The following COL11A1 variants were observed in gnomAD, a reference collection of about 807,000 sequenced individuals.
COL11A1 encodes the protein collagen alpha-1(XI) chain.
In COL11A1, 74 loss-of-function variants were observed where a neutral mutation model predicts 265.2. The ratio of observed to expected loss-of-function variants is 0.28; its 90% CI spans 0.23 to 0.34. The LOEUF (loss-of-function observed/expected upper bound fraction) is 0.34, where lower values mean the gene tolerates loss of function less well. Ranked by LOEUF, COL11A1 falls within the 10% of genes least tolerant of loss-of-function variation. The probability of loss-of-function intolerance (pLI) is 1.00; values close to 1 mark genes in which losing one functional copy is unlikely to be tolerated. For synonymous variants in COL11A1, 816 were observed against 727.6 expected (o/e 1.12, Z -1.96); for missense variants, 2,165 against 2,263.6 (o/e 0.96, Z 0.88).
At chr1:103,062,513 C>T (rs1008597149) in intron 4 of COL11A1, among the ~76,000 whole-genome samples, 1 of 151,880 alleles carries the variant, frequency 6.6e-6, no homozygotes, top group African/African-American at 2.4e-5. Context: ...GTATGCCAGG[C>T]TGTTTCAATA....
At chr1:102,916,702 C>T (rs1399320198) in intron 49 of COL11A1, among the ~76,000 whole-genome samples, 2 of 152,030 alleles carry the variant, frequency 1.3e-5, no homozygotes, top group East Asian at 3.9e-4. Context: ...TCTTAAATTA[C>T]CCACTTAATG....
intron 2 of COL11A1, among the ~76,000 whole-genome samples, chr1:103,082,164 T>C (rs1370793235): frequency 6.6e-6 from 1 of 151,952 alleles, no homozygotes; most frequent in Admixed American, 6.6e-5. Flanking sequence ...GCAAGTACTT[T>C]TCAGTACCAT....
chr1:102,998,406 T>A, intron 24 of COL11A1, 43 bp from the exon 25 acceptor site: 1 of 1,413,750 alleles, frequency 7.1e-7, no homozygotes, highest in Non-Finnish European at 9.5e-7. Context: ...AAAATAATTT[T>A]AAAAAGCTTT....
intron 46 of COL11A1, among the ~76,000 whole-genome samples, chr1:102,925,157 T>G (rs1402564896): frequency 1.3e-5 from 2 of 152,144 alleles, no homozygotes; most frequent in Non-Finnish European, 2.9e-5. Context: ...TTGCTGAATA[T>G]TATTTGACTG....
intron 11 of COL11A1, 111 bp from the exon 12 acceptor site, chr1:103,015,853 C>T: frequency 1.3e-6 from 1 of 750,912 alleles, no homozygotes; most frequent in Non-Finnish European, 2.2e-6. Flanking sequence ...TTTGCCCTTT[C>T]CACCTTATTT....
chr1:102,981,501 A>G (rs1191650938), intron 31 of COL11A1, among the ~76,000 whole-genome samples: 1 of 152,088 alleles, frequency 6.6e-6, no homozygotes, highest in African/African-American at 2.4e-5. Flanking sequence ...TTTGTTTTTC[A>G]TAAATGTATA....
intron 3 of COL11A1, 125 bp from the exon 4 acceptor site, chr1:103,074,905 G>A: frequency 5.3e-6 from 6 of 1,135,446 alleles, no homozygotes; most frequent in Non-Finnish European, 7.7e-6. Flanking sequence ...AAAAATGTAG[G>A]CTCATTTATT....
rs780721477 is a variant in COL11A1 at position 103,012,399 on chromosome 1, T to G, written c.1629+14A>C. On this transcript the variant is annotated intron_variant, in intron 14 of 66. Coordinates refer to ENST00000370096, the MANE Select transcript of COL11A1 (RefSeq NM_001854.4). Reference sequence around the variant, plus strand: ...AAAATTTTAACATATATTATCTTTGTTGGGGTAACCTACCACAGGACCTGG... The same window carrying G: ...AAAATTTTAACATATATTATCTTTGGTGGGGTAACCTACCACAGGACCTGG... 6.2e-7 allele frequency: 1 copy of G among 1,609,288 alleles called. No homozygotes were observed. The highest frequency in any genetic ancestry group is 1.3e-5 in the African/African-American group (1 of 74,808).
At chr1:103,051,241 G>T (rs986819270) in intron 4 of COL11A1, among the ~76,000 whole-genome samples, 1 of 152,200 alleles carries the variant, frequency 6.6e-6, no homozygotes, top group Non-Finnish European at 1.5e-5. Flanking sequence ...GAGCTGTGGT[G>T]GTCTCCACCC....
chr1:102,899,066 A>G, intron 54 of COL11A1, 72 bp from the exon 55 acceptor site: 1 of 816,726 alleles, frequency 1.2e-6, no homozygotes, highest in Non-Finnish European at 1.8e-6. Context: ...TTGTTTACAA[A>G]CACTAAACTT....
chr1:102,937,039 T>C (rs998351735), intron 44 of COL11A1, among the ~76,000 whole-genome samples: 5 of 152,148 alleles, frequency 3.3e-5, no homozygotes, highest in Non-Finnish European at 7.4e-5. Context: ...AATGTAACAA[T>C]GGTACTCTTG....
At chr1:102,962,123 T>C in intron 40 of COL11A1, 53 bp downstream of exon 40, 4 of 1,435,420 alleles carry the variant, frequency 2.8e-6, no homozygotes, top group Non-Finnish European at 3.9e-6. Flanking sequence ...GAAAAAATGC[T>C]TCTAATAAAC....
At chr1:102,977,837 T>A (rs1459087707) in intron 35 of COL11A1, among the ~76,000 whole-genome samples, 1 of 152,086 alleles carries the variant, frequency 6.6e-6, no homozygotes, top group East Asian at 1.9e-4. Flanking sequence ...TAATTAAATG[T>A]TTATTCTTGT....
chr1:103,015,239 A>G (rs1042252980), intron 12 of COL11A1, among the ~76,000 whole-genome samples: 3 of 152,076 alleles, frequency 2.0e-5, no homozygotes, highest in Non-Finnish European at 4.4e-5. Context: ...CCAGGGCAAC[A>G]AAAACTTTAC....
intron 1 of COL11A1, among the ~76,000 whole-genome samples, chr1:103,103,999 G>T (rs938446261): frequency 6.6e-6 from 1 of 151,936 alleles, no homozygotes; most frequent in Non-Finnish European, 1.5e-5. Context: ...AATATTACAA[G>T]AATATTTTTT....
In COL11A1 at chr1:102,888,447, T is replaced by G. The variant is rs116183789; in HGVS notation, c.4608+130A>C. ...CATGTAGATTTGATTACTTAAATGA[T>G]ATAATGTTTCCTATAAAATCAGCAC... On this transcript the variant is annotated intron_variant, in intron 62 of 66. Transcript: ENST00000370096. 1.0e-3 allele frequency: 799 copies of G among 802,862 alleles called. 5 individuals are homozygous for G. The African/African-American group carries it at 0.012, about 12-fold the overall frequency. 49.7% of individuals were successfully genotyped at this position (802,862 alleles called of 1,614,324 possible). A position where few individuals can be genotyped will look rare whatever the true frequency, so the allele number is the denominator to read the frequency against.
intron 37 of COL11A1, among the ~76,000 whole-genome samples, chr1:102,968,129 C>G (rs1661623548): frequency 6.6e-6 from 1 of 152,208 alleles, no homozygotes; most frequent in South Asian, 2.1e-4. Context: ...CAGTTCACAA[C>G]AAGTTGTGCT....
chr1:103,012,442 T>C lies in COL11A1; in HGVS notation c.1600A>G (p.Met534Val), dbSNP rs1374892742. ...GGACCTGGTCTTCCAGTTAGACCCA[T>C]TGGGCCAGGTGGGCCTCTCAGAGCA... Reference protein sequence around the residue: ...RIALRGPPGPMGLTGRPGPVG... With the variant: ...RIALRGPPGPVGLTGRPGPVG... The change falls in exon 14 of 67, where the codon ATG (methionine) becomes GTG (valine). Residue 534 changes from methionine to valine, a missense_variant. Met to Val is a conservative substitution (Grantham distance 21, BLOSUM62 1). Coordinates refer to ENST00000370096, the MANE Select transcript of COL11A1 (RefSeq NM_001854.4). 12 of 1,613,540 alleles carry C rather than the reference T, an allele frequency of 7.4e-6. No homozygotes were observed. Among genetic ancestry groups the C allele is most frequent in the Non-Finnish European group, 9.3e-6 (11 of 1,179,570 alleles).
chr1:103,021,940 G>A (rs1170738951), intron 8 of COL11A1, among the ~76,000 whole-genome samples, 171 bp from the exon 9 acceptor site: 3 of 150,964 alleles, frequency 2.0e-5, no homozygotes, highest in Non-Finnish European at 1.5e-5. Context: ...CTCGCCTGCC[G>A]GGTTCACGCC....
Sources: allele counts gnomAD v4.1 joint callset (sites outside exome capture counted in the v4.1 genomes callset), GRCh38; gene constraint gnomAD v4.1.1; transcripts MANE v1.5; gene names NCBI Gene and HGNC (gene_info 2026-07-23, HGNC 2026-07-21).